TBC1D19: variants seen among roughly 807,000 people sequenced by gnomAD.
The protein encoded by TBC1D19 is TBC1 domain family member 19, also known as TBC1 domain family, member 19.
Under a neutral mutation model 89.0 loss-of-function variants are expected in TBC1D19, and 60 were observed. The ratio of observed to expected loss-of-function variants is 0.67; its 90% CI spans 0.55 to 0.84. TBC1D19 has a LOEUF of 0.84. Among genes scored for constraint, TBC1D19 ranks in the 40% least tolerant of loss-of-function variants. The probability of loss-of-function intolerance (pLI) is 0.00; values close to 1 mark genes in which losing one functional copy is unlikely to be tolerated. For synonymous variants in TBC1D19, 189 were observed against 199.7 expected, an observed-to-expected ratio of 0.95 and a Z score of 0.45; for missense variants, 500 against 610.8, an observed-to-expected ratio of 0.82 and a Z score of 1.91.
chr4:26,768,136 C>G, the TBC1D19 span, among the ~76,000 whole-genome samples: 1 of 152,116 alleles, frequency 6.6e-6, no homozygotes, highest in African/African-American at 2.4e-5. Context: ...AGGAACCTAT[C>G]CAAGGCTGAA....
chr4:26,841,561 C>A, the TBC1D19 span, among the ~76,000 whole-genome samples: 11 of 152,228 alleles, frequency 7.2e-5, no homozygotes, highest in East Asian at 1.7e-3. Context: ...ACTTCCCAGC[C>A]CCTCACTGAG....
At chr4:26,789,473 A>G in the TBC1D19 span, among the ~76,000 whole-genome samples, 3 of 152,248 alleles carry the variant, frequency 2.0e-5, no homozygotes, top group Non-Finnish European at 4.4e-5. Flanking sequence ...ATCACTAATC[A>G]TAAGGGAAAG....
At position 26,621,998 on chromosome 4, in the gene TBC1D19, A is replaced by G. The variant is rs976003426; in HGVS notation, c.294+1310A>G. Among the ~76,000 whole-genome samples, 14 of 152,248 alleles carry G rather than the reference A, an allele frequency of 9.2e-5. No homozygotes were observed. In the East Asian group the frequency reaches 2.7e-3, roughly 29 times the overall value. On this transcript the variant is annotated intron_variant, in intron 4 of 20. Transcript: ENST00000264866. ...CTCAGCAAACTATTGCAAGGACAAAAAAACCAAACACCGCATGTTCTCACT... is the reference window on the plus strand; with the variant it reads ...CTCAGCAAACTATTGCAAGGACAAAGAAACCAAACACCGCATGTTCTCACT...
chr4:26,684,837 T>C (rs1048865727), intron 12 of TBC1D19, among the ~76,000 whole-genome samples: 2 of 152,182 alleles, frequency 1.3e-5, no homozygotes, highest in Non-Finnish European at 2.9e-5. Flanking sequence ...TACTGTGCCA[T>C]ATAGTATTCC....
At chr4:26,826,780 G>A in the TBC1D19 span, among the ~76,000 whole-genome samples, 1 of 152,218 alleles carries the variant, frequency 6.6e-6, no homozygotes, top group African/African-American at 2.4e-5. Flanking sequence ...CCGGTGGCGG[G>A]TGGATGTTTA....
At chr4:26,650,163 CA>C in intron 7 of TBC1D19, among the ~76,000 whole-genome samples, 1 of 152,036 alleles carries the variant, frequency 6.6e-6, no homozygotes, top group Non-Finnish European at 1.5e-5. Flanking sequence ...AATAGTGCCG[CA>C]GAAAACATAC....
At chr4:26,587,308 T>A (rs1208844672) in intron 1 of TBC1D19, among the ~76,000 whole-genome samples, 1 of 152,198 alleles carries the variant, frequency 6.6e-6, no homozygotes, top group East Asian at 1.9e-4. Context: ...CCAGGCGCGA[T>A]GGCTCATGCC....
chr4:26,659,035 C>T (rs544967711), intron 7 of TBC1D19, among the ~76,000 whole-genome samples: 6 of 152,102 alleles, frequency 3.9e-5, no homozygotes, highest in African/African-American at 1.2e-4. Flanking sequence ...TGCAAACAGA[C>T]AATTTGACTT....
intron 8 of TBC1D19, among the ~76,000 whole-genome samples, chr4:26,660,807 C>T (rs1745177836): frequency 6.6e-6 from 1 of 152,196 alleles, no homozygotes. Flanking sequence ...TGAATCTCAG[C>T]ATTCAGGGCC....
At chr4:26,640,384 A>C (rs1743418243) in intron 7 of TBC1D19, among the ~76,000 whole-genome samples, 197 bp downstream of exon 7, 1 of 152,224 alleles carries the variant, frequency 6.6e-6, no homozygotes, top group South Asian at 2.1e-4. Flanking sequence ...ATTAGCATTG[A>C]GTAAATCAGT....
intron 7 of TBC1D19, among the ~76,000 whole-genome samples, chr4:26,645,796 A>G (rs1427493339): frequency 1.3e-5 from 2 of 152,184 alleles, no homozygotes; most frequent in African/African-American, 4.8e-5. Flanking sequence ...AAAGAACTTA[A>G]ACACATTTAC....
chr4:26,770,863 C>T, the TBC1D19 span, among the ~76,000 whole-genome samples: 6 of 151,914 alleles, frequency 3.9e-5, no homozygotes, highest in Non-Finnish European at 5.9e-5. Flanking sequence ...TGCTAAATAA[C>T]CCATAGGTCA....
At chr4:26,761,874 C>T in the TBC1D19 span, among the ~76,000 whole-genome samples, 2 of 152,232 alleles carry the variant, frequency 1.3e-5, no homozygotes, top group East Asian at 1.9e-4. Context: ...CGCCTGTAAT[C>T]TCAGCACTTT....
intron 1 of TBC1D19, 116 bp from the exon 2 acceptor site, chr4:26,613,053 A>C (rs1206032965): frequency 5.5e-6 from 4 of 730,666 alleles, no homozygotes; most frequent in Admixed American, 6.6e-5. Context: ...AGTAGTATAC[A>C]TTTTTGAACA....
chr4:26,600,880 C>G (rs528966055), intron 1 of TBC1D19, among the ~76,000 whole-genome samples: 1 of 152,230 alleles, frequency 6.6e-6, no homozygotes, highest in East Asian at 1.9e-4. Context: ...ATTACAGAAA[C>G]AAGTCCAGTC....
the TBC1D19 span, among the ~76,000 whole-genome samples, chr4:26,768,708 T>C: frequency 1.2e-3 from 190 of 152,130 alleles, no homozygotes; most frequent in African/African-American, 4.1e-3. Flanking sequence ...AACAGCAGAT[T>C]AGACAATTTA....
At chr4:26,640,540 C>A (rs1391480228) in intron 7 of TBC1D19, among the ~76,000 whole-genome samples, 2 of 152,168 alleles carry the variant, frequency 1.3e-5, no homozygotes, top group Non-Finnish European at 2.9e-5. Flanking sequence ...CCTGGTTCAC[C>A]TCATTGGGAC....
chr4:26,734,089 A>T (rs528469681), intron 15 of TBC1D19, among the ~76,000 whole-genome samples: 1 of 152,320 alleles, frequency 6.6e-6, no homozygotes, highest in East Asian at 1.9e-4. Flanking sequence ...GATAAATTAG[A>T]TTTGTTCTGT....
intron 1 of TBC1D19, among the ~76,000 whole-genome samples, chr4:26,602,468 G>T (rs1210029530): frequency 1.7e-5 from 2 of 119,170 alleles, no homozygotes; most frequent in African/African-American, 6.3e-5. Context: ...TTGAGACGGA[G>T]ACTTGCTCTG....
Sources: gnomAD v4.1 joint callset for allele counts (sites outside exome capture counted in the v4.1 genomes callset) on GRCh38, gnomAD v4.1.1 for gene constraint, MANE v1.5 for transcripts, NCBI Gene and HGNC (gene_info 2026-07-23, HGNC 2026-07-21) for gene names.